The following SLCO3A1 variants were observed in gnomAD, a reference collection of about 807,000 sequenced individuals.
SLCO3A1 encodes the protein solute carrier organic anion transporter family member 3A1, also known as PGE1 transporter.
SLCO3A1 carries 27 observed loss-of-function variants against 63.1 expected under a neutral mutation model. The observed-to-expected ratio is 0.43, with a 90% confidence interval of 0.32 to 0.59. The LOEUF is 0.59. SLCO3A1 is among the 20% of genes least tolerant of loss of function. SLCO3A1 has a pLI of 0.09. For synonymous variants in SLCO3A1, 473 were observed against 409.9 expected (o/e 1.15, Z -1.86); for missense variants, 773 against 945.8 (o/e 0.82, Z 2.40).
At chr15:91,945,130 G>A in intron 2 of SLCO3A1, among the ~76,000 whole-genome samples, 1 of 152,250 alleles carries the variant, frequency 6.6e-6, no homozygotes, top group East Asian at 1.9e-4. Context: ...CGATCACGAG[G>A]TCAGGAGTTC....
intron 4 of SLCO3A1, among the ~76,000 whole-genome samples, chr15:92,114,606 T>C (rs2047770103): frequency 6.6e-6 from 1 of 152,160 alleles, no homozygotes; most frequent in Non-Finnish European, 1.5e-5. Context: ...ACAGTATTTT[T>C]CTACATTTTT....
At chr15:91,924,222 G>A (rs1430126364) in intron 2 of SLCO3A1, among the ~76,000 whole-genome samples, 1 of 152,184 alleles carries the variant, frequency 6.6e-6, no homozygotes, top group East Asian at 1.9e-4. Flanking sequence ...TGTGGAGCCT[G>A]GGGAGCTGGT....
intron 2 of SLCO3A1, among the ~76,000 whole-genome samples, chr15:91,975,139 G>A (rs2151432051): frequency 6.6e-6 from 1 of 152,326 alleles, no homozygotes; most frequent in Middle Eastern, 3.4e-3. Flanking sequence ...GTTAACCAGT[G>A]TTATTCTCTT....
At chr15:92,100,758 G>T (rs1006157408) in intron 3 of SLCO3A1, among the ~76,000 whole-genome samples, 1 of 152,198 alleles carries the variant, frequency 6.6e-6, no homozygotes, top group Non-Finnish European at 1.5e-5. Flanking sequence ...TTATGTTGCG[G>T]TAACAAACAG....
At position 91,942,975 on chromosome 15, in the gene SLCO3A1, C is replaced by T. The variant is rs2151401672; in HGVS notation, c.646+26517C>T. ...CAGCCGTTTGACCTCGTTCTGCCTC[C>T]CTTTCTCTCCTAAAAGCATCTCCCT... On this transcript the variant is annotated intron_variant, in intron 2 of 9. Coordinates refer to ENST00000318445, the MANE Select transcript of SLCO3A1 (RefSeq NM_013272.4). The surrounding 1 kb of genome is among the most constrained non-coding windows in gnomAD (Gnocchi z 4.1). 6.6e-6 allele frequency among the ~76,000 whole-genome samples: 1 copy of T among 152,328 alleles called. No individual in the cohort carries two copies. Among genetic ancestry groups the T allele is most frequent in the East Asian group, 1.9e-4 (1 of 5,182 alleles).
intron 2 of SLCO3A1, among the ~76,000 whole-genome samples, chr15:91,987,425 T>C (rs1033751417): frequency 1.3e-5 from 2 of 152,230 alleles, no homozygotes; most frequent in African/African-American, 4.8e-5. Context: ...GGAATTTATG[T>C]ATTATTGATG....
In SLCO3A1 at chr15:91,868,280, G is replaced by A. The variant is rs560341851; in HGVS notation, c.180+14192G>A. ...TTGGCCAGGCTAGTCTCGAACTCCT[G>A]ACCTGAGGTGATCCACCTGGCTCGG... On this transcript the variant is annotated intron_variant, in intron 1 of 9. Transcript: ENST00000318445. Among the ~76,000 whole-genome samples the A allele has an allele frequency of 4.0e-5, 6 of 150,380 alleles. No individual in the cohort carries two copies. In the East Asian group the frequency reaches 1.2e-3, roughly 30 times the overall value.
At position 91,948,629 on chromosome 15, in the gene SLCO3A1, C is replaced by A. The variant is rs980111736; in HGVS notation, c.646+32171C>A. 2.0e-5 allele frequency among the ~76,000 whole-genome samples: 3 copies of A among 152,202 alleles called. No homozygotes were observed. The South Asian group carries it at 6.2e-4, about 31-fold the overall frequency. On this transcript the variant is annotated intron_variant, in intron 2 of 9. Transcript: ENST00000318445. This position sits in a 1 kb window ranked among gnomAD's most constrained non-coding sequence, Gnocchi z 4.8. The stretch of plus-strand genomic sequence containing the variant: ...AATTAATCAGGGATGCCTGCATGGG[C>A]CACTCTCTGGTGCCCTGTGTTTACA...
At chr15:92,160,652 G>C (rs1224429292) in intron 9 of SLCO3A1, among the ~76,000 whole-genome samples, 1 of 152,126 alleles carries the variant, frequency 6.6e-6, no homozygotes, top group Non-Finnish European at 1.5e-5. Flanking sequence ...TTCTCTTTGG[G>C]GTATCAAGCA....
At position 92,129,128 on chromosome 15, in the gene SLCO3A1, G is replaced by A. The variant is rs1465747983; in HGVS notation, c.1512+639G>A. Among the ~76,000 whole-genome samples the A allele has an allele frequency of 3.5e-4, 54 of 152,164 alleles. 1 individual carries two copies. The highest frequency in any genetic ancestry group is 3.5e-3 in the Admixed American group (54 of 15,276). On this transcript the variant is annotated intron_variant, in intron 7 of 9. Coordinates refer to ENST00000318445, the MANE Select transcript of SLCO3A1 (RefSeq NM_013272.4). ...TGATCCCACCTTCCAGGAGTCCTTGGCACCTGCCCTGTGGAGGCCCCGCCC... is the reference window on the plus strand; with the variant it reads ...TGATCCCACCTTCCAGGAGTCCTTGACACCTGCCCTGTGGAGGCCCCGCCC...
chr15:92,109,260 A>G (rs2047701115), intron 4 of SLCO3A1, among the ~76,000 whole-genome samples: 1 of 152,196 alleles, frequency 6.6e-6, no homozygotes, highest in African/African-American at 2.4e-5. Flanking sequence ...CGAAGGCTCC[A>G]GTGTCTGTCT....
chr15:91,939,690 C>G (rs1170522767), intron 2 of SLCO3A1, among the ~76,000 whole-genome samples: 1 of 152,110 alleles, frequency 6.6e-6, no homozygotes, highest in Non-Finnish European at 1.5e-5. Flanking sequence ...CTGCAGCATT[C>G]CAGTCATAGC....
intron 2 of SLCO3A1, among the ~76,000 whole-genome samples, chr15:91,972,181 T>C (rs1169516008): frequency 2.0e-5 from 3 of 152,274 alleles, no homozygotes. Context: ...CTACCATATT[T>C]GAAGTCGTAT....
At chr15:92,121,200 G>T (rs1273508154) in intron 5 of SLCO3A1, among the ~76,000 whole-genome samples, 1 of 152,228 alleles carries the variant, frequency 6.6e-6, no homozygotes, top group African/African-American at 2.4e-5. Flanking sequence ...TTGCACTCAT[G>T]AGAAGCAGTG....
chr15:92,150,818 T>TA (rs1320876679), intron 8 of SLCO3A1, 132 bp from the exon 9 acceptor site: 1 of 565,524 alleles, frequency 1.8e-6, no homozygotes, highest in Non-Finnish European at 3.1e-6. Context: ...TTAGTAATTT[T>TA]AAAAAAGACA....
At chr15:92,071,940 G>A (rs908252443) in intron 2 of SLCO3A1, among the ~76,000 whole-genome samples, 3 of 152,180 alleles carry the variant, frequency 2.0e-5, no homozygotes, top group Admixed American at 2.0e-4. Flanking sequence ...AACCTAAGGA[G>A]GCCTCTCAAC....
At chr15:92,083,251 G>A (rs900258971) in intron 2 of SLCO3A1, among the ~76,000 whole-genome samples, 1 of 152,208 alleles carries the variant, frequency 6.6e-6, no homozygotes. Context: ...GAAAACCTCA[G>A]GCTTCCCCCA....
At chr15:91,867,673 C>G (rs1282136823) in intron 1 of SLCO3A1, among the ~76,000 whole-genome samples, 1 of 152,178 alleles carries the variant, frequency 6.6e-6, no homozygotes, top group Non-Finnish European at 1.5e-5. Flanking sequence ...GAAGGCCCTT[C>G]AAACTTCCCC....
At chr15:91,879,563 T>C (rs908218291) in intron 1 of SLCO3A1, among the ~76,000 whole-genome samples, 1 of 152,170 alleles carries the variant, frequency 6.6e-6, no homozygotes, top group Non-Finnish European at 1.5e-5. Flanking sequence ...GGTTTTTAGG[T>C]TGCAACAAAA....
Sources: gnomAD v4.1 joint callset for allele counts (sites outside exome capture counted in the v4.1 genomes callset) on GRCh38, gnomAD v4.1.1 for gene constraint, Gnocchi (gnomAD v3.1) non-coding constraint, MANE v1.5 for transcripts, NCBI Gene and HGNC (gene_info 2026-07-23, HGNC 2026-07-21) for gene names.